MACROD2: variants seen among roughly 807,000 people sequenced by gnomAD.
MACROD2 encodes the protein mono-ADP ribosylhydrolase 2, also known as ADP-ribose glycohydrolase MACROD2.
Under a neutral mutation model 70.4 loss-of-function variants are expected in MACROD2, and 36 were observed. That is an observed-to-expected ratio of 0.51 (90% CI 0.39 to 0.68). MACROD2 has a LOEUF of 0.68. MACROD2 is among the 30% of genes least tolerant of loss of function. MACROD2 has a pLI of 0.00. For synonymous variants in MACROD2, 172 were observed against 178.8 expected (o/e 0.96, Z 0.30); for missense variants, 496 against 538.4 (o/e 0.92, Z 0.78).
At chr20:15,968,081 C>G (rs943936576) in intron 13 of MACROD2, among the ~76,000 whole-genome samples, 1 of 151,976 alleles carries the variant, frequency 6.6e-6, no homozygotes, top group African/African-American at 2.4e-5. Flanking sequence ...TAATGTAAAC[C>G]AGTTCTTCCA....
chr20:14,350,952 A>G (rs1187059052), intron 3 of MACROD2, among the ~76,000 whole-genome samples: 1 of 152,160 alleles, frequency 6.6e-6, no homozygotes, highest in South Asian at 2.1e-4. Context: ...GATCAAGTTT[A>G]ATTCTTTTGC....
At chr20:14,915,980 A>C (rs888016348) in intron 5 of MACROD2, among the ~76,000 whole-genome samples, 1 of 152,158 alleles carries the variant, frequency 6.6e-6, no homozygotes, top group Non-Finnish European at 1.5e-5. Flanking sequence ...AGAGCTGTCC[A>C]TTCTCAATTT....
chr20:15,851,945 G>A (rs1024739818), intron 8 of MACROD2, among the ~76,000 whole-genome samples: 1 of 152,156 alleles, frequency 6.6e-6, no homozygotes, highest in Non-Finnish European at 1.5e-5. Flanking sequence ...CTCTTTAATC[G>A]TGAAAAGAAA....
intron 8 of MACROD2, among the ~76,000 whole-genome samples, chr20:15,841,642 G>T (rs1006212418): frequency 1.3e-5 from 2 of 152,044 alleles, no homozygotes; most frequent in African/African-American, 4.8e-5. Flanking sequence ...CCACCCCCAT[G>T]ATTCACTCAC....
intron 5 of MACROD2, among the ~76,000 whole-genome samples, chr20:14,731,191 C>A (rs999176997): frequency 1.1e-4 from 17 of 152,020 alleles, no homozygotes; most frequent in African/African-American, 3.9e-4. Context: ...ATATAAAGAT[C>A]CATCAAAAAC....
At chr20:15,234,012 C>A (rs113791164) in intron 6 of MACROD2, among the ~76,000 whole-genome samples, 620 of 28,614 alleles carry the variant, frequency 0.022, no homozygotes, top group East Asian at 0.031. Context: ...TATATATATT[C>A]TTTTTTTTTT....
At chr20:15,861,937 A>G (rs1601011080) in intron 8 of MACROD2, among the ~76,000 whole-genome samples, 1 of 152,190 alleles carries the variant, frequency 6.6e-6, no homozygotes, top group South Asian at 2.1e-4. Flanking sequence ...CAAAATAACT[A>G]AAGGGTTATT....
At chr20:15,038,732 G>T (rs1182411500) in intron 5 of MACROD2, among the ~76,000 whole-genome samples, 3 of 152,150 alleles carry the variant, frequency 2.0e-5, no homozygotes, top group Non-Finnish European at 4.4e-5. Flanking sequence ...GCCAGGTGAT[G>T]GTCCCTAGTT....
At chr20:14,365,717 A>T (rs1254798518) in intron 3 of MACROD2, among the ~76,000 whole-genome samples, 1 of 151,886 alleles carries the variant, frequency 6.6e-6, no homozygotes, top group Admixed American at 6.6e-5. Context: ...TTGATTTCAG[A>T]TCATTCTTTT....
rs1195272270 is a variant in MACROD2, at chr20:14,808,308, C to T, written c.418+123349C>T. ...AATTTTTAAAGAAAATAATTTTCAA[C>T]CCAGAATTTTATATCCAGCCAAACT... is the stretch of plus-strand genomic sequence containing the variant. On this transcript the variant is annotated intron_variant, in intron 5 of 17. Coordinates refer to ENST00000684519, the MANE Select transcript of MACROD2 (RefSeq NM_001351661.2). Among the ~76,000 whole-genome samples the T allele has an allele frequency of 1.3e-5, 2 of 152,000 alleles. 1 individual carries two copies. Among genetic ancestry groups the T allele is most frequent in the African/African-American group, 4.8e-5 (2 of 41,380 alleles).
At chr20:14,606,136 T>A (rs1280513216) in intron 4 of MACROD2, among the ~76,000 whole-genome samples, 1 of 152,122 alleles carries the variant, frequency 6.6e-6, no homozygotes, top group Admixed American at 6.5e-5. Flanking sequence ...GTTTCCTACA[T>A]TTGAAAAAAA....
intron 3 of MACROD2, among the ~76,000 whole-genome samples, chr20:14,214,153 T>C (rs2081594368): frequency 6.6e-6 from 1 of 152,206 alleles, no homozygotes; most frequent in East Asian, 1.9e-4. Flanking sequence ...ACTGTACTTA[T>C]TAAAGTCTTT....
intron 8 of MACROD2, among the ~76,000 whole-genome samples, chr20:15,558,272 T>C (rs2048195565): frequency 6.6e-6 from 1 of 152,196 alleles, no homozygotes; most frequent in African/African-American, 2.4e-5. Flanking sequence ...GCTGACTTCT[T>C]GCCTACTGTG....
intron 8 of MACROD2, among the ~76,000 whole-genome samples, chr20:15,823,573 G>T (rs1305817468): frequency 1.3e-5 from 2 of 152,144 alleles, no homozygotes; most frequent in African/African-American, 4.8e-5. Flanking sequence ...GAAAAAAAGA[G>T]ATTTACATTA....
At chr20:15,048,438 TC>T (rs1003332644) in intron 5 of MACROD2, among the ~76,000 whole-genome samples, 1 of 151,460 alleles carries the variant, frequency 6.6e-6, no homozygotes, top group Non-Finnish European at 1.5e-5. Context: ...GGTTACTTAA[TC>T]CTCTCATTCT....
intron 8 of MACROD2, among the ~76,000 whole-genome samples, chr20:15,701,930 C>G (rs1043684519): frequency 8.5e-5 from 13 of 152,294 alleles, no homozygotes; most frequent in Admixed American, 5.9e-4. Context: ...GTTTCCTGTT[C>G]CTACATTAAT....
At chr20:15,096,955 GT>G (rs1428286400) in intron 5 of MACROD2, among the ~76,000 whole-genome samples, 1 of 151,554 alleles carries the variant, frequency 6.6e-6, no homozygotes, top group Non-Finnish European at 1.5e-5. Flanking sequence ...GGAATTACAG[GT>G]GCTCGCCACC....
At chr20:15,710,209 A>AC (rs1373779163) in intron 8 of MACROD2, among the ~76,000 whole-genome samples, 12 of 151,160 alleles carry the variant, frequency 7.9e-5, no homozygotes, top group South Asian at 2.1e-4. Context: ...AAAAAAAAAA[A>AC]AAAACAATTG....
chr20:15,202,297 A>G (rs1325538184), intron 5 of MACROD2, among the ~76,000 whole-genome samples: 1 of 152,204 alleles, frequency 6.6e-6, no homozygotes, highest in Admixed American at 6.5e-5. Flanking sequence ...TTGCATAACT[A>G]CTGCTTAAGA....
Sources: gnomAD v4.1 joint callset for allele counts (sites outside exome capture counted in the v4.1 genomes callset) on GRCh38, gnomAD v4.1.1 for gene constraint, MANE v1.5 for transcripts, NCBI Gene and HGNC (gene_info 2026-07-23, HGNC 2026-07-21) for gene names.